Variants in NECAB1 observed in about 807,000 individuals in gnomAD.
NECAB1 encodes the protein N-terminal EF-hand calcium binding protein 1, also known as N-terminal EF-hand calcium-binding protein 1.
In NECAB1, 29 loss-of-function variants were observed where a neutral mutation model predicts 57.5. That is an observed-to-expected ratio of 0.50 (90% confidence interval 0.38 to 0.69). The LOEUF is 0.69. Ranked by LOEUF, NECAB1 falls within the 30% of genes least tolerant of loss-of-function variation. NECAB1 has a pLI of 0.00. For synonymous variants in NECAB1, 142 were observed against 147.7 expected (o/e 0.96, Z 0.28); for missense variants, 372 against 413.8 (o/e 0.90, Z 0.88).
chr8:90,908,611 G>T (rs1440002991), intron 5 of NECAB1, among the ~76,000 whole-genome samples: 2 of 151,998 alleles, frequency 1.3e-5, no homozygotes, highest in Non-Finnish European at 2.9e-5. Flanking sequence ...CTACTAGACT[G>T]GTTCCTACAC....
intron 2 of NECAB1, among the ~76,000 whole-genome samples, chr8:90,820,670 TTAAA>T (rs1176528836): frequency 4.1e-5 from 5 of 120,926 alleles, no homozygotes; most frequent in Non-Finnish European, 6.3e-5. Context: ...AAATTACTGT[TTAAA>T]TAGTCTTTTT....
At chr8:90,914,833 T>C (rs1223599254) in intron 5 of NECAB1, among the ~76,000 whole-genome samples, 1 of 152,148 alleles carries the variant, frequency 6.6e-6, no homozygotes, top group Non-Finnish European at 1.5e-5. Flanking sequence ...GAGTTAGGAG[T>C]GTATCTGCAA....
chr8:90,915,672 G>A (rs1809933208), intron 5 of NECAB1, among the ~76,000 whole-genome samples: 2 of 152,152 alleles, frequency 1.3e-5, no homozygotes, highest in Admixed American at 6.5e-5. Flanking sequence ...ACACAGTAAA[G>A]TCCCACATAG....
At chr8:90,902,184 C>T (rs1436235118) in intron 5 of NECAB1, among the ~76,000 whole-genome samples, 1 of 152,198 alleles carries the variant, frequency 6.6e-6, no homozygotes, top group Non-Finnish European at 1.5e-5. Context: ...CTTTGGGAGG[C>T]CGAGGAGGGT....
At chr8:90,888,847 G>A (rs987491473) in intron 5 of NECAB1, among the ~76,000 whole-genome samples, 28 of 152,288 alleles carry the variant, frequency 1.8e-4, no homozygotes, top group African/African-American at 6.7e-4. Context: ...TGTCAGTTGT[G>A]TAATAACACA....
intron 3 of NECAB1, among the ~76,000 whole-genome samples, chr8:90,846,855 A>G (rs1275139127): frequency 6.6e-6 from 1 of 152,144 alleles, no homozygotes; most frequent in African/African-American, 2.4e-5. Flanking sequence ...CCAATGATTC[A>G]ATTACCTCCC....
chr8:90,817,715 A>G (rs997521715), intron 2 of NECAB1, among the ~76,000 whole-genome samples: 21 of 151,682 alleles, frequency 1.4e-4, no homozygotes, highest in African/African-American at 4.8e-4. Context: ...ATTTGCTAAT[A>G]TTTTGTTGAG....
chr8:90,889,490 T>G (rs1809097650), intron 5 of NECAB1, among the ~76,000 whole-genome samples: 1 of 152,240 alleles, frequency 6.6e-6, no homozygotes, highest in Admixed American at 6.5e-5. Flanking sequence ...TTGTTAGTTG[T>G]AATCGTTATC....
chr8:90,841,730 A>G (rs1393935875), intron 3 of NECAB1, among the ~76,000 whole-genome samples: 2 of 152,198 alleles, frequency 1.3e-5, no homozygotes, highest in African/African-American at 4.8e-5. Context: ...GGGTTTCAGT[A>G]TTGAGAGAAA....
At chr8:90,838,834 G>A (rs1381425187) in intron 3 of NECAB1, among the ~76,000 whole-genome samples, 1 of 152,118 alleles carries the variant, frequency 6.6e-6, no homozygotes, top group African/African-American at 2.4e-5. Context: ...ACAGTCAGCT[G>A]CTATAATCTA....
At chr8:90,862,964 C>T (rs1380094390) in intron 3 of NECAB1, among the ~76,000 whole-genome samples, 1 of 152,030 alleles carries the variant, frequency 6.6e-6, no homozygotes, top group Non-Finnish European at 1.5e-5. Flanking sequence ...CATTTTTAAA[C>T]TTTATATATT....
At chr8:90,845,885 T>C (rs1488025782) in intron 3 of NECAB1, among the ~76,000 whole-genome samples, 2 of 152,224 alleles carry the variant, frequency 1.3e-5, no homozygotes, top group Non-Finnish European at 2.9e-5. Flanking sequence ...ATATCATCTG[T>C]GTTCTTAATT....
At chr8:90,832,573 ATATT>A (rs2129724674) in intron 3 of NECAB1, among the ~76,000 whole-genome samples, 1 of 152,296 alleles carries the variant, frequency 6.6e-6, no homozygotes, top group African/African-American at 2.4e-5. Flanking sequence ...ATTTCTAAAA[ATATT>A]TAATTTCTAA....
chr8:90,955,389 G>A, intron 12 of NECAB1, 98 bp from the exon 13 acceptor site: 1 of 849,744 alleles, frequency 1.2e-6, no homozygotes, highest in Non-Finnish European at 1.9e-6. Flanking sequence ...CAGACTAAAG[G>A]TAAGGGGAAT....
At chr8:90,804,144 T>C (rs895893931) in intron 2 of NECAB1, among the ~76,000 whole-genome samples, 1 of 152,210 alleles carries the variant, frequency 6.6e-6, no homozygotes, top group South Asian at 2.1e-4. Flanking sequence ...AATAGACATT[T>C]GTTTAATGAA....
At chr8:90,839,528 G>A (rs1182202916) in intron 3 of NECAB1, among the ~76,000 whole-genome samples, 1 of 152,204 alleles carries the variant, frequency 6.6e-6, no homozygotes, top group African/African-American at 2.4e-5. Flanking sequence ...ATAGTGCTTT[G>A]AGAGGAACAG....
chr8:90,907,808 G>T (rs768662868), intron 5 of NECAB1, among the ~76,000 whole-genome samples: 2 of 151,988 alleles, frequency 1.3e-5, no homozygotes, highest in South Asian at 2.1e-4. Flanking sequence ...ATTCCCAAAG[G>T]TTATTTTTTC....
At chr8:90,801,995 C>T (rs933958053) in intron 2 of NECAB1, among the ~76,000 whole-genome samples, 1 of 152,178 alleles carries the variant, frequency 6.6e-6, no homozygotes, top group Non-Finnish European at 1.5e-5. Flanking sequence ...AATAATTTTG[C>T]AGCAATAGCA....
In NECAB1 at chr8:90,940,776, T is replaced by A. The variant is rs1810649471; in HGVS notation, c.748-10T>A. The A allele has an allele frequency of 6.4e-7, 1 of 1,553,834 alleles. No homozygotes were observed. Among genetic ancestry groups the A allele is most frequent in the African/African-American group, 1.4e-5 (1 of 73,174 alleles). ...AGCCAACGCAGTGACCCTCGCCCCT[T>A]CCTTGGCAGCACATCATGCTTGTGC... On this transcript the variant is annotated splice_polypyrimidine_tract_variant and intron_variant, in intron 9 of 12. Coordinates refer to ENST00000417640, the MANE Select transcript of NECAB1 (RefSeq NM_022351.5).
Sources: gnomAD v4.1 joint callset for allele counts (sites outside exome capture counted in the v4.1 genomes callset) on GRCh38, gnomAD v4.1.1 for gene constraint, MANE v1.5 for transcripts, NCBI Gene and HGNC (gene_info 2026-07-23, HGNC 2026-07-21) for gene names.